CEP85L: variants seen among roughly 807,000 people sequenced by gnomAD.
CEP85L encodes the protein centrosomal protein of 85 kDa-like.
A neutral mutation model predicts 100.3 loss-of-function variants in CEP85L; 60 were observed. The observed-to-expected ratio is 0.60, with a 90% confidence interval of 0.49 to 0.74. CEP85L has a LOEUF of 0.74. Among genes scored for constraint, CEP85L ranks in the 30% least tolerant of loss-of-function variants. The pLI is 0.00. For missense variants in CEP85L, 973 were observed against 936.2 expected, an observed-to-expected ratio of 1.04 and a Z score of -0.51; for synonymous variants, 319 against 322.7, an observed-to-expected ratio of 0.99 and a Z score of 0.12.
chr6:118,522,924 A>G (rs1384804452), intron 4 of CEP85L, among the ~76,000 whole-genome samples: 2 of 152,088 alleles, frequency 1.3e-5, no homozygotes, highest in African/African-American at 2.4e-5. Context: ...GAAAATGCAG[A>G]TATCTGTGGT....
At chr6:118,556,535 T>A (rs953447940) in intron 3 of CEP85L, among the ~76,000 whole-genome samples, 12 of 152,200 alleles carry the variant, frequency 7.9e-5, no homozygotes, top group Admixed American at 6.5e-4. Context: ...TCATGCCTGA[T>A]ACTTACCTTC....
intron 2 of CEP85L, among the ~76,000 whole-genome samples, chr6:118,628,530 C>T (rs775995382): frequency 2.6e-5 from 4 of 151,276 alleles, no homozygotes. Context: ...AAAAATGGAA[C>T]ATAATTATTT....
At position 118,465,281 on chromosome 6, in the gene CEP85L, A is replaced by C; in HGVS notation, c.*124T>G. The C allele has an allele frequency of 1.2e-6, 1 of 858,798 alleles. No homozygotes were observed. Among genetic ancestry groups the C allele is most frequent in the South Asian group, 2.4e-5 (1 of 41,382 alleles). 53.2% of individuals were successfully genotyped at this position (858,798 alleles called of 1,614,324 possible). A position where few individuals can be genotyped will look rare whatever the true frequency, so the allele number is the denominator to read the frequency against. ...CTTCACTTCCCTTCTCCCCTTCAAC[A>C]AAACAAATCCACAGAAAAAAAATCC... On this transcript the variant is annotated 3_prime_UTR_variant, in exon 13 of 13. Coordinates refer to ENST00000368491, the MANE Select transcript of CEP85L (RefSeq NM_001042475.3).
At chr6:118,640,099 C>A (rs1774763549) in intron 1 of CEP85L, among the ~76,000 whole-genome samples, 1 of 151,974 alleles carries the variant, frequency 6.6e-6, no homozygotes, top group Non-Finnish European at 1.5e-5. Flanking sequence ...ACAAAACTCA[C>A]ACAAAAAATT....
chr6:118,462,819 G>C lies in CEP85L; in HGVS notation c.*2586C>G, dbSNP rs1333635702. 5 of 151,732 alleles carry C rather than the reference G, an allele frequency of 3.3e-5. No homozygotes were observed. The highest frequency in any genetic ancestry group is 9.7e-5 in the African/African-American group (4 of 41,326). 9.4% of individuals were successfully genotyped at this position (151,732 alleles called of 1,614,324 possible). A position where few individuals can be genotyped will look rare whatever the true frequency, so the allele number is the denominator to read the frequency against. On this transcript the variant is annotated 3_prime_UTR_variant, in exon 13 of 13. Coordinates refer to ENST00000368491, the MANE Select transcript of CEP85L (RefSeq NM_001042475.3). ...TAATACAAGAGGGTGTCCTGGGAAA[G>C]GAAAATTTTCTGAAAAATAAAAATC...
intron 3 of CEP85L, chr6:118,537,805 C>G: frequency 5.1e-6 from 5 of 985,296 alleles, no homozygotes; most frequent in Non-Finnish European, 4.8e-6. Context: ...AGTTTGTTAT[C>G]TCTCCTTCAC....
intron 1 of CEP85L, among the ~76,000 whole-genome samples, chr6:118,687,763 T>G (rs1208499518): frequency 1.3e-5 from 2 of 152,184 alleles, no homozygotes; most frequent in African/African-American, 2.4e-5. Flanking sequence ...CGTCCACCAC[T>G]GCTGTTTGCC....
intron 2 of CEP85L, among the ~76,000 whole-genome samples, chr6:118,614,118 A>G (rs1190097892): frequency 6.6e-6 from 1 of 152,214 alleles, no homozygotes; most frequent in Non-Finnish European, 1.5e-5. Flanking sequence ...TCAACAAACT[A>G]AAGAAGAAAA....
At position 118,600,345 on chromosome 6, in the gene CEP85L, GT is replaced by G. The variant is rs1781708569; in HGVS notation, c.232+32107del. Among the ~76,000 whole-genome samples, 4 of 136,310 alleles carry G rather than the reference GT, an allele frequency of 2.9e-5. 1 individual carries two copies. The highest frequency in any genetic ancestry group is 1.4e-4 in the Admixed American group (2 of 13,814). The allele number at this position is 136,310 out of a possible 152,430, so 89.4% of individuals were successfully genotyped here. A position where few individuals can be genotyped will look rare whatever the true frequency, so the allele number is the denominator to read the frequency against. On this transcript the variant is annotated intron_variant, in intron 2 of 12. Transcript: ENST00000368491. ...TGTGTGTGTGTGTGTGTGTGTGTGT[GT>G]GTGTGTGTGTGTGTGTGTGTGTGTA...
At chr6:118,516,105 T>C (rs2213855) in intron 4 of CEP85L, among the ~76,000 whole-genome samples, 52,457 of 152,110 alleles carry the variant, frequency 0.34, 10,206 homozygotes, top group Non-Finnish European at 0.45. Context: ...CTGGGCATAG[T>C]ATTCCATGGT....
chr6:118,697,798 T>C lies in CEP85L; in HGVS notation c.-28+12238A>G, dbSNP rs542795755. ...GAATATGTCTGACTTTATAGCTGTG[T>C]AGATCAGATAACATTCACTTCATGA... On this transcript the variant is annotated intron_variant, in intron 1 of 13. Transcript: ENST00000368488. 3.3e-5 allele frequency among the ~76,000 whole-genome samples: 5 copies of C among 152,312 alleles called. No individual in the cohort carries two copies. The East Asian group carries it at 5.8e-4, about 18-fold the overall frequency.
chr6:118,493,239 G>A (rs116746210), intron 5 of CEP85L, among the ~76,000 whole-genome samples: 1 of 152,172 alleles, frequency 6.6e-6, no homozygotes, highest in Non-Finnish European at 1.5e-5. Flanking sequence ...AGGTTAAAAA[G>A]TAGATACAGA....
At chr6:118,663,695 C>G (rs1343471371) in intron 1 of CEP85L, among the ~76,000 whole-genome samples, 1 of 151,928 alleles carries the variant, frequency 6.6e-6, no homozygotes, top group Non-Finnish European at 1.5e-5. Context: ...CCATTGGTAC[C>G]CAAGAGGGAT....
At chr6:118,682,383 A>C (rs1345975037) in intron 1 of CEP85L, among the ~76,000 whole-genome samples, 4 of 152,128 alleles carry the variant, frequency 2.6e-5, no homozygotes, top group Non-Finnish European at 5.9e-5. Flanking sequence ...GTTTATAAAT[A>C]CAGGCTTACT....
At chr6:118,466,031 G>A (rs1478607045) in intron 12 of CEP85L, among the ~76,000 whole-genome samples, 1 of 152,048 alleles carries the variant, frequency 6.6e-6, no homozygotes, top group African/African-American at 2.4e-5. Context: ...ACACACAGAG[G>A]GAGAGCGGGG....
At chr6:118,663,925 CTTTTT>C (rs1310112453) in intron 1 of CEP85L, among the ~76,000 whole-genome samples, 1 of 135,556 alleles carries the variant, frequency 7.4e-6, no homozygotes. Context: ...GAAGTTTTTC[CTTTTT>C]TTTTTTTTTT....
intron 1 of CEP85L, among the ~76,000 whole-genome samples, chr6:118,680,078 G>A (rs1347716368): frequency 6.6e-6 from 1 of 151,456 alleles, no homozygotes; most frequent in East Asian, 1.9e-4. Context: ...TTGAGGCCAG[G>A]AATTTGAGAC....
upstream of CEP85L, among the ~76,000 whole-genome samples, chr6:118,655,981 G>A (rs774639625): frequency 4.6e-5 from 7 of 152,162 alleles, no homozygotes; most frequent in African/African-American, 1.7e-4. Flanking sequence ...TGCCTTTTCC[G>A]CCATGCTCTT....
At chr6:118,665,173 A>G (rs1258027037) in intron 1 of CEP85L, among the ~76,000 whole-genome samples, 1 of 152,054 alleles carries the variant, frequency 6.6e-6, no homozygotes, top group Non-Finnish European at 1.5e-5. Context: ...CACAGGTAAG[A>G]TGAGTGGGAA....
Sources: allele counts gnomAD v4.1 joint callset (sites outside exome capture counted in the v4.1 genomes callset), GRCh38; gene constraint gnomAD v4.1.1; transcripts MANE v1.5; gene names NCBI Gene and HGNC (gene_info 2026-07-23, HGNC 2026-07-21).